SACS: variants seen among roughly 807,000 people sequenced by gnomAD.
SACS encodes the protein sacsin.
SACS carries 197 observed loss-of-function variants against 348.0 expected under a neutral mutation model. That is an observed-to-expected ratio of 0.57 (90% CI 0.50 to 0.64). SACS has a LOEUF of 0.64. SACS is among the 30% of genes least tolerant of loss of function. The pLI, the probability that SACS is intolerant of heterozygous loss-of-function variation, is 0.00. For synonymous variants in SACS, 1,985 were observed against 1,910.6 expected (o/e 1.04, Z -1.02); for missense variants, 4,999 against 5,360.8 (o/e 0.93, Z 2.11).
chr13:23,356,254 C>T (rs756309476), intron 7 of SACS, among the ~76,000 whole-genome samples: 3 of 152,172 alleles, frequency 2.0e-5, no homozygotes, highest in Non-Finnish European at 4.4e-5. Context: ...ACCTAGGAGA[C>T]ATCTTCAAAA....
chr13:23,432,665 TTTATTATTATTA>T (rs139886400), intron 1 of SACS, among the ~76,000 whole-genome samples: 113 of 152,080 alleles, frequency 7.4e-4, no homozygotes, highest in African/African-American at 2.7e-3. Flanking sequence ...TTGTCAATTA[TTTATTATTATTA>T]TTATTATTTT....
chr13:23,429,344 G>GGTTT (rs1566116540), intron 1 of SACS, among the ~76,000 whole-genome samples: 10 of 65,374 alleles, frequency 1.5e-4, no homozygotes, highest in Non-Finnish European at 2.9e-4. Flanking sequence ...TTGAGGTAGG[G>GGTTT]ATTTTTTTTT....
rs1368764731 is a variant in SACS, at chr13:23,411,419, T to C, written c.-180A>G. 4.7e-6 allele frequency: 3 copies of C among 643,070 alleles called. No individual in the cohort carries two copies. The highest frequency in any genetic ancestry group is 1.8e-5 in the African/African-American group (1 of 55,014). 39.8% of individuals were successfully genotyped at this position (643,070 alleles called of 1,614,324 possible). On this transcript the variant is annotated 5_prime_UTR_variant, in exon 2 of 10. An upstream start codon of the reference 5' UTR is lost. Coordinates refer to ENST00000382292, the MANE Select transcript of SACS (RefSeq NM_014363.6). Reference sequence around the variant, plus strand: ...ATTCATCATCTGATGTCAGGAAACATTGTCGTGTGTTGCATTTGTATTCCT... The same window carrying C: ...ATTCATCATCTGATGTCAGGAAACACTGTCGTGTGTTGCATTTGTATTCCT...
intron 2 of SACS, among the ~76,000 whole-genome samples, chr13:23,390,131 T>C (rs1433898109): frequency 5.3e-5 from 8 of 152,222 alleles, no homozygotes; most frequent in Admixed American, 5.2e-4. Flanking sequence ...TAGGAGCTTC[T>C]GTAGGCTTCA....
At chr13:23,364,094 T>C (rs1057052436) in intron 6 of SACS, among the ~76,000 whole-genome samples, 3 of 152,222 alleles carry the variant, frequency 2.0e-5, no homozygotes, top group Admixed American at 1.3e-4. Context: ...TTATAGAGTA[T>C]AGAAAGTACA....
chr13:23,339,996 G>A lies in SACS; in HGVS notation c.3880C>T (p.Pro1294Ser), dbSNP rs1566069875. ...GGCTGAAGGTCAAGATCATGGATTGGTTTAATCACAGCCTGGGCAAGTGGA... is the reference window on the plus strand; with the variant it reads ...GGCTGAAGGTCAAGATCATGGATTGATTTAATCACAGCCTGGGCAAGTGGA... ...FCPLAQAVIK[P>S]IHDLDLQPYL... Residue 1294 changes from proline (P) to serine (S), a missense_variant, in exon 10 of 10, where the codon CCA becomes TCA. Physicochemically the swap from Pro to Ser is moderately conservative, Grantham distance 74. Transcript: ENST00000382292. 1 of 1,613,478 alleles carries A rather than the reference G, an allele frequency of 6.2e-7. No individual in the cohort carries two copies. Among genetic ancestry groups the A allele is most frequent in the East Asian group, 2.2e-5 (1 of 44,860 alleles).
Position 23,336,452 on chromosome 13 carries a change from T to C in SACS, c.7424A>G (p.Lys2475Arg), listed in dbSNP as rs1241591977. 1.2e-6 allele frequency: 2 copies of C among 1,614,084 alleles called. No individual in the cohort carries two copies. Among genetic ancestry groups the C allele is most frequent in the Non-Finnish European group, 1.7e-6 (2 of 1,179,948 alleles). The change falls in exon 10 of 10, where the codon AAA becomes AGA. Residue 2475 changes from lysine (K) to arginine (R), a missense_variant. Around this residue, in one of 6 missense-constraint regions of SACS, gnomAD observed 3,156 missense variants for 3,380.1 expected, o/e 0.93. Transcript: ENST00000382292. ...ATATTTTACAGTGGTATCCTTTACT[T>C]TTATCCAAGGGCAATCATTGTAGCA... Reference protein sequence around the residue: ...SLCYNDCPWIKVKDTTVKYCH... With the variant: ...SLCYNDCPWIRVKDTTVKYCH...
chr13:23,342,964 T>C (rs1193161726), intron 9 of SACS, among the ~76,000 whole-genome samples: 1 of 152,228 alleles, frequency 6.6e-6, no homozygotes, highest in African/African-American at 2.4e-5. Flanking sequence ...CAGAGCATAT[T>C]TACAACTTTT....
intron 1 of SACS, chr13:23,428,803 T>C (rs1440328453): frequency 9.2e-5 from 14 of 152,256 alleles, no homozygotes; most frequent in Non-Finnish European, 1.6e-4. Context: ...GAATATCTTA[T>C]TCACCTTTGA....
intron 2 of SACS, among the ~76,000 whole-genome samples, chr13:23,388,311 G>C (rs1872379283): frequency 6.8e-6 from 1 of 146,814 alleles, no homozygotes; most frequent in African/African-American, 2.5e-5. Context: ...TCCAGCGTGG[G>C]TGACAGAGCG....
Position 23,331,518 on chromosome 13 carries a change from A to T in SACS, c.12358T>A (p.Leu4120Ile). Residue 4120 changes from leucine (L) to isoleucine (I), a missense_variant, in exon 10 of 10, where the codon TTA (leucine) becomes ATA (isoleucine). Leu to Ile is a conservative substitution (Grantham distance 5, BLOSUM62 2). Around this residue, in one of 6 missense-constraint regions of SACS, gnomAD observed 831 missense variants for 941.8 expected, o/e 0.88. Transcript: ENST00000382292. ...TDNLISDTSY[L>I]IAMLGCNDIY... ...TCATTGCATCCTAGCATAGCAATTA[A>T]ATATGAAGTGTCAGAAATCAAATTG... 1 of 1,613,954 alleles carries T rather than the reference A, an allele frequency of 6.2e-7. No individual in the cohort carries two copies. The highest frequency in any genetic ancestry group is 2.2e-5 in the East Asian group (1 of 44,872).
intron 2 of SACS, among the ~76,000 whole-genome samples, chr13:23,384,755 C>A (rs1444946398): frequency 6.6e-6 from 1 of 152,118 alleles, no homozygotes; most frequent in South Asian, 2.1e-4. Context: ...CATGCAGGAT[C>A]TAAAACTTTT....
chr13:23,409,077 G>A (rs1248585203), intron 2 of SACS, among the ~76,000 whole-genome samples: 1 of 29,366 alleles, frequency 3.4e-5, no homozygotes, highest in African/African-American at 1.5e-4. Context: ...TTTTGAGACG[G>A]AGTCTTCCTG....
Position 23,355,804 on chromosome 13 carries a change from A to C in SACS, c.808T>G (p.Phe270Val). ...TGTAGGCGAAGAGGGAAACGGAAAAATGTTCCTGGAAAATTGCCGTTTATA... is the reference window on the plus strand; with the variant it reads ...TGTAGGCGAAGAGGGAAACGGAAAACTGTTCCTGGAAAATTGCCGTTTATA... Reference protein sequence around the residue: ...TFINGNFPGTFFRFPLRLQPS... With the variant: ...TFINGNFPGTVFRFPLRLQPS... Residue 270 changes from phenylalanine to valine, a missense_variant, in exon 8 of 10, where the codon TTT becomes GTT. Phe to Val is a conservative substitution (Grantham distance 50). Transcript: ENST00000382292. 6.2e-7 allele frequency: 1 copy of C among 1,614,194 alleles called. No individual in the cohort carries two copies. Among genetic ancestry groups the C allele is most frequent in the Non-Finnish European group, 8.5e-7 (1 of 1,180,040 alleles).
chr13:23,332,538 G>A lies in SACS; in HGVS notation c.11338C>T (p.Leu3780Phe), dbSNP rs1335834994. The change falls in exon 10 of 10, where the codon CTC becomes TTC. Residue 3780 changes from leucine to phenylalanine, a missense_variant. Coordinates refer to ENST00000382292, the MANE Select transcript of SACS (RefSeq NM_014363.6). ...CGAAATTCCCTTTTTTCTGCACTGAGGAATTCATATATGCTCCTTAAGACT... is the reference window on the plus strand; with the variant it reads ...CGAAATTCCCTTTTTTCTGCACTGAAGAATTCATATATGCTCCTTAAGACT... Reference protein sequence around the residue: ...AKVLRSIYEFLSAEKREFRFQ... With the variant: ...AKVLRSIYEFFSAEKREFRFQ... The A allele has an allele frequency of 6.2e-7, 1 of 1,613,850 alleles. No homozygotes were observed.
chr13:23,432,661 A>G (rs1216076725), intron 1 of SACS, among the ~76,000 whole-genome samples: 1 of 151,430 alleles, frequency 6.6e-6, no homozygotes, highest in East Asian at 1.9e-4. Context: ...GGGATTGTCA[A>G]TTATTTATTA....
At position 23,338,658 on chromosome 13, in the gene SACS, T is replaced by G. The variant is rs1296559987; in HGVS notation, c.5218A>C (p.Lys1740Gln). The change falls in exon 10 of 10, where the codon AAG becomes CAG. Residue 1740 changes from lysine to glutamine, a missense_variant. Physicochemically the swap from Lys to Gln is moderately conservative, Grantham distance 53. Around this residue, in one of 6 missense-constraint regions of SACS, gnomAD observed 3,156 missense variants for 3,380.1 expected, o/e 0.93. Transcript: ENST00000382292. ...SVLKEAAKLMKTCSSSNKKLP... is the reference protein window; with the variant it reads ...SVLKEAAKLMQTCSSSNKKLP... ...TTTTTATTACTGCTGCTGCAAGTCT[T>G]CATGAGCTTAGCAGCCTCTTTTAAA... 6.2e-7 allele frequency: 1 copy of G among 1,614,062 alleles called. No individual in the cohort carries two copies. Among genetic ancestry groups the G allele is most frequent in the Non-Finnish European group, 8.5e-7 (1 of 1,180,024 alleles).
At position 23,340,779 on chromosome 13, in the gene SACS, A is replaced by C; in HGVS notation, c.3097T>G (p.Trp1033Gly). The change falls in exon 10 of 10, where the codon TGG (tryptophan) becomes GGG (glycine). Residue 1033 changes from tryptophan (W) to glycine (G), a missense_variant. Around this residue, in one of 6 missense-constraint regions of SACS, gnomAD observed 3,156 missense variants for 3,380.1 expected, o/e 0.93. Transcript: ENST00000382292. ...TGGATGAATTTTAATGGTGTTAACCACTCAAGCACATTTGGATTCTCATTT... is the reference window on the plus strand; with the variant it reads ...TGGATGAATTTTAATGGTGTTAACCCCTCAAGCACATTTGGATTCTCATTT... Reference protein sequence around the residue: ...LKNENPNVLEWLTPLKFIQIS... With the variant: ...LKNENPNVLEGLTPLKFIQIS... The C allele has an allele frequency of 1.2e-6, 2 of 1,606,088 alleles. No homozygotes were observed. Among genetic ancestry groups the C allele is most frequent in the Non-Finnish European group, 1.7e-6 (2 of 1,176,446 alleles).
chr13:23,430,180 C>G (rs1349981453), intron 1 of SACS, among the ~76,000 whole-genome samples: 1 of 151,896 alleles, frequency 6.6e-6, no homozygotes, highest in Non-Finnish European at 1.5e-5. Context: ...TGGCCTCCAG[C>G]CTGGGTGACA....
Sources: gnomAD v4.1 joint callset for allele counts (sites outside exome capture counted in the v4.1 genomes callset) on GRCh38, gnomAD v4.1.1 for gene constraint, gnomAD v4.1.1 regional missense constraint, MANE v1.5 for transcripts, NCBI Gene and HGNC (gene_info 2026-07-23, HGNC 2026-07-21) for gene names.